The following RELN variants were observed in gnomAD, a reference collection of about 807,000 sequenced individuals.
RELN encodes reelin.
A neutral mutation model predicts 427.6 loss-of-function variants in RELN; 108 were observed. The observed-to-expected ratio is 0.25, with a 90% CI of 0.22 to 0.30. RELN has a LOEUF of 0.30. Among genes scored for constraint, RELN ranks in the 10% least tolerant of loss-of-function variants. The probability of loss-of-function intolerance (pLI) is 1.00; values close to 1 mark genes in which losing one functional copy is unlikely to be tolerated. For synonymous variants in RELN, 1,524 were observed against 1,513.4 expected (o/e 1.01, Z -0.16); for missense variants, 3,715 against 4,302.8 (o/e 0.86, Z 3.82).
At chr7:103,886,462 G>A (rs533770909) in intron 2 of RELN, among the ~76,000 whole-genome samples, 3 of 152,276 alleles carry the variant, frequency 2.0e-5, no homozygotes, top group African/African-American at 7.2e-5. Context: ...CTAACAAAAG[G>A]TAACCCCAAT....
At chr7:103,677,475 C>T (rs922295802) in intron 11 of RELN, among the ~76,000 whole-genome samples, 1 of 145,304 alleles carries the variant, frequency 6.9e-6, no homozygotes, top group African/African-American at 2.5e-5. Context: ...AACAGTTGTT[C>T]TTAGTGAGGG....
chr7:103,565,973 A>G (rs1262396189), intron 33 of RELN, among the ~76,000 whole-genome samples: 2 of 1,736 alleles, frequency 1.2e-3, no homozygotes, highest in Non-Finnish European at 1.6e-3. Flanking sequence ...ATGTCCTCTC[A>G]TAGATTTTTT....
At chr7:103,823,185 T>A (rs1049015203) in intron 3 of RELN, among the ~76,000 whole-genome samples, 1 of 152,054 alleles carries the variant, frequency 6.6e-6, no homozygotes, top group African/African-American at 2.4e-5. Flanking sequence ...TTGCCTGGTA[T>A]GTTTTTTCCA....
chr7:103,776,783 T>C (rs557324583), intron 3 of RELN, among the ~76,000 whole-genome samples, 156 bp from the exon 4 acceptor site: 29 of 152,354 alleles, frequency 1.9e-4, no homozygotes, highest in Middle Eastern at 3.4e-3. Context: ...TAACATGGAA[T>C]GAAAGCTTAA....
At chr7:103,575,727 C>T (rs778330813) in intron 28 of RELN, 22 bp from the exon 29 acceptor site, 81 of 1,613,736 alleles carry the variant, frequency 5.0e-5, no homozygotes, top group Non-Finnish European at 6.4e-5. Context: ...AACAACACAC[C>T]TGTTTCTTGT....
rs1563097548 is a variant in RELN, at chr7:103,930,894, GTGTGTGTGTGTGTGTGTC to G, written c.227-13727_227-13710del. ...TGTGTGTGTGTGTGTGTGTGTGTGT[GTGTGTGTGTGTGTGTGTC>G]TCCTTCTGTTCTTTTTAAATGACTT... On this transcript the variant is annotated intron_variant, in intron 1 of 64. Coordinates refer to ENST00000428762, the MANE Select transcript of RELN (RefSeq NM_005045.4). Among the ~76,000 whole-genome samples, 11 of 136,868 alleles carry G rather than the reference GTGTGTGTGTGTGTGTGTC, an allele frequency of 8.0e-5. No individual in the cohort carries two copies. In the South Asian group the frequency reaches 2.5e-3, roughly 31 times the overall value. 89.8% of individuals were successfully genotyped at this position (136,868 alleles called of 152,430 possible). A position where few individuals can be genotyped will look rare whatever the true frequency, so the allele number is the denominator to read the frequency against.
intron 11 of RELN, among the ~76,000 whole-genome samples, chr7:103,664,916 T>C (rs922227568): frequency 2.6e-5 from 4 of 152,162 alleles, no homozygotes; most frequent in Non-Finnish European, 5.9e-5. Context: ...ACTTTGTTTA[T>C]GTGTCGTTGG....
chr7:103,783,759 G>A (rs1791951291), intron 3 of RELN, among the ~76,000 whole-genome samples: 1 of 152,122 alleles, frequency 6.6e-6, no homozygotes, highest in Non-Finnish European at 1.5e-5. Flanking sequence ...TAGTAACTTA[G>A]CTTTCTTCCA....
chr7:103,777,883 T>TCA lies in RELN; in HGVS notation c.474-1258_474-1257dup, dbSNP rs201873652. Among the ~76,000 whole-genome samples, 807 of 143,928 alleles carry TCA rather than the reference T, an allele frequency of 5.6e-3. 7 individuals are homozygous for TCA. Among genetic ancestry groups the TCA allele is most frequent in the African/African-American group, 0.011 (424 of 38,676 alleles). 94.4% of individuals were successfully genotyped at this position (143,928 alleles called of 152,430 possible). A position where few individuals can be genotyped will look rare whatever the true frequency, so the allele number is the denominator to read the frequency against. ...TTTCAGCAGTGAAAGTGTTATACCT[T>TCA]CACACACACACACACACACACACAC... On this transcript the variant is annotated intron_variant, in intron 3 of 64. Transcript: ENST00000428762.
chr7:103,482,115 T>G (rs958318731), intron 63 of RELN: 1 of 152,150 alleles, frequency 6.6e-6, no homozygotes, highest in Non-Finnish European at 1.5e-5. Flanking sequence ...GCTTGCAAAT[T>G]GACTGAAATC....
chr7:103,656,162 G>A (rs17154030), intron 12 of RELN, among the ~76,000 whole-genome samples: 5,227 of 151,948 alleles, frequency 0.034, 317 homozygotes, highest in African/African-American at 0.12. Context: ...TTCATCTCCC[G>A]CAATGCAACA....
At chr7:103,898,373 A>T (rs1795008394) in intron 2 of RELN, among the ~76,000 whole-genome samples, 1 of 151,978 alleles carries the variant, frequency 6.6e-6, no homozygotes, top group South Asian at 2.1e-4. Flanking sequence ...GCATTTAGAA[A>T]TTTTTCAAAA....
chr7:103,983,799 T>C (rs1242571679), intron 1 of RELN, among the ~76,000 whole-genome samples: 2 of 152,168 alleles, frequency 1.3e-5, no homozygotes. Flanking sequence ...CACCTTCCTT[T>C]TTTTCCGGAG....
chr7:103,791,490 G>T (rs761099465), intron 3 of RELN, among the ~76,000 whole-genome samples: 2 of 152,126 alleles, frequency 1.3e-5, no homozygotes, highest in Admixed American at 1.3e-4. Context: ...GAAGAAAGAG[G>T]TCTTTAAAAC....
intron 28 of RELN, among the ~76,000 whole-genome samples, chr7:103,583,055 A>C (rs944727241): frequency 6.6e-6 from 1 of 152,184 alleles, no homozygotes; most frequent in Non-Finnish European, 1.5e-5. Flanking sequence ...TTCACATTTC[A>C]TTTAGACATG....
intron 1 of RELN, among the ~76,000 whole-genome samples, chr7:103,971,050 G>A (rs1005119492): frequency 4.6e-5 from 7 of 151,908 alleles, no homozygotes; most frequent in African/African-American, 1.7e-4. Flanking sequence ...TATTCAGGAG[G>A]CTGAGGCAAG....
At chr7:103,889,609 C>T (rs1339385420) in intron 2 of RELN, among the ~76,000 whole-genome samples, 2 of 152,130 alleles carry the variant, frequency 1.3e-5, no homozygotes, top group African/African-American at 2.4e-5. Flanking sequence ...GAAGATACTA[C>T]ATCTTCTCCA....
At chr7:103,676,628 T>C (rs1237948355) in intron 11 of RELN, among the ~76,000 whole-genome samples, 3 of 152,130 alleles carry the variant, frequency 2.0e-5, no homozygotes, top group Non-Finnish European at 2.9e-5. Flanking sequence ...TAGCAAAGAC[T>C]TGGAACCAAC....
At chr7:103,614,839 C>T (rs190370538) in intron 20 of RELN, among the ~76,000 whole-genome samples, 1 of 152,270 alleles carries the variant, frequency 6.6e-6, no homozygotes, top group East Asian at 1.9e-4. Context: ...CTGAAAAGCA[C>T]TTTAAACTCC....
Sources: allele counts gnomAD v4.1 joint callset (sites outside exome capture counted in the v4.1 genomes callset), GRCh38; gene constraint gnomAD v4.1.1; transcripts MANE v1.5; gene names NCBI Gene and HGNC (gene_info 2026-07-23, HGNC 2026-07-21).